CHLSN: variants seen among roughly 807,000 people sequenced by gnomAD.
The protein encoded by CHLSN is cholesin, also known as protein cholesin.
At chr7:984,908 G>A in the CHLSN span, 1 of 1,539,322 alleles carries the variant, frequency 6.5e-7, no homozygotes, top group South Asian at 1.2e-5. Flanking sequence ...GGGCTGGCTG[G>A]GGTGGGAACC....
At chr7:1,006,964 G>T in the CHLSN span, among the ~76,000 whole-genome samples, 1 of 152,214 alleles carries the variant, frequency 6.6e-6, no homozygotes, top group African/African-American at 2.4e-5. Flanking sequence ...ATGGTCACAG[G>T]TCACAGGCCA....
the CHLSN span, among the ~76,000 whole-genome samples, chr7:1,125,721 C>T: frequency 3.1e-3 from 479 of 152,364 alleles, 4 homozygotes; most frequent in African/African-American, 0.011. Context: ...CGCTTTCTCT[C>T]GAGCAATGAC....
chr7:1,043,241 A>G, the CHLSN span, among the ~76,000 whole-genome samples: 1 of 152,122 alleles, frequency 6.6e-6, no homozygotes, highest in Non-Finnish European at 1.5e-5. Flanking sequence ...AAAAAAAAAT[A>G]TTAAAATGCA....
chr7:1,054,488 C>T, the CHLSN span, among the ~76,000 whole-genome samples: 1 of 152,238 alleles, frequency 6.6e-6, no homozygotes, highest in Non-Finnish European at 1.5e-5. Context: ...CACTCGAGAG[C>T]CGGTTCAGGG....
chr7:1,011,224 A>T, the CHLSN span, among the ~76,000 whole-genome samples: 1 of 144,202 alleles, frequency 6.9e-6, no homozygotes, highest in Non-Finnish European at 1.5e-5. Context: ...ACATACCCAC[A>T]CCCACAGACA....
At chr7:991,537 C>G in the CHLSN span, among the ~76,000 whole-genome samples, 1 of 152,212 alleles carries the variant, frequency 6.6e-6, no homozygotes. Flanking sequence ...ACCTTCTCGA[C>G]CGGGCAGACC....
chr7:1,135,232 T>C, the CHLSN span, among the ~76,000 whole-genome samples: 1 of 152,246 alleles, frequency 6.6e-6, no homozygotes, highest in South Asian at 2.1e-4. Flanking sequence ...TGGCTTCAAA[T>C]ACCAACTAGA....
At chr7:1,100,739 C>T in the CHLSN span, among the ~76,000 whole-genome samples, 1 of 152,082 alleles carries the variant, frequency 6.6e-6, no homozygotes, top group South Asian at 2.1e-4. Context: ...TGCCTCCCTG[C>T]CTCCCGGCCT....
the CHLSN span, among the ~76,000 whole-genome samples, chr7:998,966 G>C: frequency 6.6e-6 from 1 of 152,178 alleles, no homozygotes; most frequent in African/African-American, 2.4e-5. Flanking sequence ...CGTGCATTAA[G>C]TATCGGCATG....
chr7:1,060,636 C>T, the CHLSN span, among the ~76,000 whole-genome samples: 2 of 152,226 alleles, frequency 1.3e-5, no homozygotes, highest in African/African-American at 2.4e-5. Flanking sequence ...CGTGAGGACG[C>T]GGCTCTGGGT....
the CHLSN span, among the ~76,000 whole-genome samples, chr7:1,135,272 G>T: frequency 6.6e-6 from 1 of 151,838 alleles, no homozygotes; most frequent in African/African-American, 2.4e-5. Flanking sequence ...TCTCTTTACA[G>T]TCTCTTATTA....
the CHLSN span, among the ~76,000 whole-genome samples, chr7:979,275 C>A: frequency 1.3e-5 from 2 of 152,300 alleles, no homozygotes; most frequent in Non-Finnish European, 2.9e-5. Context: ...CGGGCCTCAG[C>A]TTATCAACGG....
the CHLSN span, among the ~76,000 whole-genome samples, chr7:1,021,919 AG>A: frequency 1.6e-3 from 240 of 152,312 alleles, no homozygotes; most frequent in African/African-American, 5.3e-3. Context: ...AGGGGCACCC[AG>A]GGCAGCTCCC....
chr7:987,201 T>C, the CHLSN span: 1 of 1,549,938 alleles, frequency 6.5e-7, no homozygotes, highest in Non-Finnish European at 8.7e-7. Context: ...TCGGCCACGC[T>C]GCAGTGGGCC....
the CHLSN span, chr7:988,857 C>T: frequency 7.6e-7 from 1 of 1,320,652 alleles, no homozygotes; most frequent in Non-Finnish European, 1.0e-6. Flanking sequence ...CCTGACCACT[C>T]CCCTCCCAGC....
chr7:1,033,996 G>A, the CHLSN span, among the ~76,000 whole-genome samples: 3 of 152,246 alleles, frequency 2.0e-5, no homozygotes, highest in Non-Finnish European at 2.9e-5. Context: ...CAGAAAGGAA[G>A]AAATATAACT....
chr7:1,075,699 G>A, the CHLSN span, among the ~76,000 whole-genome samples: 2 of 147,680 alleles, frequency 1.4e-5, no homozygotes, highest in African/African-American at 2.5e-5. Flanking sequence ...TGCAAGCTCC[G>A]CCTCCTGGGT....
At chr7:1,034,697 ATTAT>A in the CHLSN span, among the ~76,000 whole-genome samples, 34 of 152,086 alleles carry the variant, frequency 2.2e-4, no homozygotes, top group African/African-American at 7.7e-4. Flanking sequence ...TGTTGTATAG[ATTAT>A]TTAATCACCC....
the CHLSN span, among the ~76,000 whole-genome samples, chr7:996,264 C>T: frequency 6.6e-5 from 10 of 152,188 alleles, no homozygotes; most frequent in African/African-American, 1.7e-4. Context: ...TGAGGCCGGC[C>T]GTGCTCCCGC....
Sources: allele counts gnomAD v4.1 joint callset (sites outside exome capture counted in the v4.1 genomes callset), GRCh38; gene constraint gnomAD v4.1.1; transcripts MANE v1.5; gene names NCBI Gene and HGNC (gene_info 2026-07-23, HGNC 2026-07-21).